ASTN2: variants seen among roughly 807,000 people sequenced by gnomAD.
ASTN2 encodes the protein astrotactin-2.
Under a neutral mutation model 139.8 loss-of-function variants are expected in ASTN2, and 54 were observed. The observed-to-expected ratio is 0.39, with a 90% CI of 0.31 to 0.48. The LOEUF is 0.48. ASTN2 is among the 20% of genes least tolerant of loss of function. The pLI, the probability that ASTN2 is intolerant of heterozygous loss-of-function variation, is 0.95. For synonymous variants in ASTN2, 756 were observed against 719.5 expected (o/e 1.05, Z -0.81); for missense variants, 1,565 against 1,725.1 (o/e 0.91, Z 1.64).
At chr9:116,825,002 G>T (rs1329862970) in intron 11 of ASTN2, among the ~76,000 whole-genome samples, 2 of 152,194 alleles carry the variant, frequency 1.3e-5, no homozygotes, top group African/African-American at 2.4e-5. Flanking sequence ...TAGGAAGGAA[G>T]TTCCTACAGG....
At chr9:117,223,832 G>A (rs564243957) in intron 2 of ASTN2, among the ~76,000 whole-genome samples, 157 of 151,874 alleles carry the variant, frequency 1.0e-3, no homozygotes, top group Middle Eastern at 6.8e-3. Flanking sequence ...ACAGATATAC[G>A]GTGACCTATT....
rs116838408 is a variant in ASTN2 at position 116,806,947 on chromosome 9, T to C, written c.2208-1127A>G. Among the ~76,000 whole-genome samples the C allele has an allele frequency of 7.7e-3, 1,168 of 152,318 alleles. 12 individuals are homozygous for C. Among genetic ancestry groups the C allele is most frequent in the African/African-American group, 0.027 (1,130 of 41,550 alleles). ...GAAAGAGTAATATCATAATTTCTGC[T>C]TTACACATAAGCAAAATAAGGAGCC... On this transcript the variant is annotated intron_variant, in intron 12 of 22. Transcript: ENST00000313400.
intron 16 of ASTN2, among the ~76,000 whole-genome samples, chr9:116,694,221 T>C (rs1254403707): frequency 6.6e-6 from 1 of 152,066 alleles, no homozygotes; most frequent in East Asian, 1.9e-4. Context: ...GGATATGATA[T>C]TCCAGAAAGC....
At chr9:117,126,350 A>C (rs1320723981) in intron 4 of ASTN2, among the ~76,000 whole-genome samples, 1 of 152,212 alleles carries the variant, frequency 6.6e-6, no homozygotes, top group Admixed American at 6.5e-5. Context: ...GTCAGGTCTA[A>C]ATTTACCTCC....
intron 10 of ASTN2, among the ~76,000 whole-genome samples, chr9:116,969,115 G>A (rs1251533654): frequency 6.6e-6 from 1 of 152,106 alleles, no homozygotes; most frequent in African/African-American, 2.4e-5. Context: ...GTAAGTTGGT[G>A]ACCCAGGTCT....
At chr9:116,859,111 C>T (rs1832813983) in intron 11 of ASTN2, among the ~76,000 whole-genome samples, 1 of 152,202 alleles carries the variant, frequency 6.6e-6, no homozygotes, top group African/African-American at 2.4e-5. Flanking sequence ...GCAACGCTGC[C>T]TCTCTCTACC....
intron 1 of ASTN2, among the ~76,000 whole-genome samples, chr9:117,327,067 G>C (rs1220522135): frequency 1.3e-5 from 2 of 152,132 alleles, no homozygotes; most frequent in Non-Finnish European, 2.9e-5. Flanking sequence ...TCAGACATTA[G>C]AGTCTCATGA....
intron 2 of ASTN2, among the ~76,000 whole-genome samples, chr9:117,245,823 T>C (rs2133081993): frequency 6.6e-6 from 1 of 152,332 alleles, no homozygotes; most frequent in South Asian, 2.1e-4. Context: ...TCTTTAGGTC[T>C]CTGCTCTTTA....
intron 4 of ASTN2, among the ~76,000 whole-genome samples, chr9:117,133,491 T>A (rs888256055): frequency 6.6e-6 from 1 of 152,090 alleles, no homozygotes; most frequent in African/African-American, 2.4e-5. Flanking sequence ...GAGTGGAAGG[T>A]CTTGTCCAAG....
chr9:116,635,772 T>A (rs936700211), intron 17 of ASTN2, among the ~76,000 whole-genome samples: 1 of 152,200 alleles, frequency 6.6e-6, no homozygotes, highest in African/African-American at 2.4e-5. Flanking sequence ...GCCCAAGCTC[T>A]TTTGATAGTG....
chr9:116,484,146 A>G (rs4836726), intron 20 of ASTN2, among the ~76,000 whole-genome samples: 54,082 of 152,046 alleles, frequency 0.36, 10,052 homozygotes, highest in South Asian at 0.52. Context: ...AGCTGTGCTT[A>G]GAAAAGACAC....
intron 10 of ASTN2, among the ~76,000 whole-genome samples, chr9:116,864,335 G>C (rs1832965455): frequency 6.6e-6 from 1 of 152,140 alleles, no homozygotes; most frequent in South Asian, 2.1e-4. Context: ...CAGGGCCCTA[G>C]ATCCTTATTT....
chr9:116,576,612 G>C (rs141553357), intron 19 of ASTN2, among the ~76,000 whole-genome samples: 1 of 152,288 alleles, frequency 6.6e-6, no homozygotes, highest in Non-Finnish European at 1.5e-5. Context: ...CAGGATTACA[G>C]CACACTAGCA....
In ASTN2 at chr9:116,648,060, G is replaced by A. The variant is rs140789317; in HGVS notation, c.3072+3468C>T. ...TCTGTTGCCCAGACTGGAGTGCAAT[G>A]GTGCGATCTTGGCTCACTGGAACCA... is the stretch of plus-strand genomic sequence containing the variant. On this transcript the variant is annotated intron_variant, in intron 17 of 22. Coordinates refer to ENST00000313400, the MANE Select transcript of ASTN2 (RefSeq NM_001365068.1). 8.2e-3 allele frequency among the ~76,000 whole-genome samples: 1,227 copies of A among 150,196 alleles called. 4 individuals carry two copies. Among genetic ancestry groups the A allele is most frequent in the Non-Finnish European group, 0.014 (925 of 67,664 alleles).
At chr9:116,546,975 GAGGGGGT>G in intron 19 of ASTN2, among the ~76,000 whole-genome samples, 1 of 152,202 alleles carries the variant, frequency 6.6e-6, no homozygotes, top group East Asian at 1.9e-4. Context: ...ACGCCGGCTG[GAGGGGGT>G]AGGAATAATA....
At chr9:116,749,883 C>G (rs1829352758) in intron 13 of ASTN2, among the ~76,000 whole-genome samples, 1 of 152,156 alleles carries the variant, frequency 6.6e-6, no homozygotes, top group East Asian at 1.9e-4. Flanking sequence ...GCCCAGCTCC[C>G]CCTACCTTCC....
In ASTN2 at chr9:117,191,723, G is replaced by C. The variant is rs182485348; in HGVS notation, c.1015+22635C>G. On this transcript the variant is annotated intron_variant, in intron 3 of 22. Transcript: ENST00000313400. ...CAGGACAGGAGGTACAAAGTCCCCT[G>C]ACTGCTGGGAAACTGCTTCAGCTCT... 8.5e-5 allele frequency among the ~76,000 whole-genome samples: 13 copies of C among 152,286 alleles called. No homozygotes were observed. In the East Asian group the frequency reaches 2.5e-3, roughly 29 times the overall value.
intron 19 of ASTN2, among the ~76,000 whole-genome samples, chr9:116,508,876 T>C (rs533488023): frequency 1.5e-4 from 23 of 152,260 alleles, no homozygotes; most frequent in African/African-American, 5.3e-4. Flanking sequence ...AAGTCAGGGA[T>C]ATTGGGCAAG....
intron 7 of ASTN2, among the ~76,000 whole-genome samples, chr9:116,984,535 G>A (rs1201137411): frequency 6.6e-6 from 1 of 152,130 alleles, no homozygotes; most frequent in Non-Finnish European, 1.5e-5. Flanking sequence ...TCTTTCAGCA[G>A]GTCTGCCTTG....
Sources: allele counts gnomAD v4.1 joint callset (sites outside exome capture counted in the v4.1 genomes callset), GRCh38; gene constraint gnomAD v4.1.1; transcripts MANE v1.5; gene names NCBI Gene and HGNC (gene_info 2026-07-23, HGNC 2026-07-21).